The following AFF3 variants were observed in gnomAD, a reference collection of about 807,000 sequenced individuals.
AFF3 encodes the protein AF4/FMR2 family member 3.
Under a neutral mutation model 129.7 loss-of-function variants are expected in AFF3, and 32 were observed. That is an observed-to-expected ratio of 0.25 (90% CI 0.19 to 0.33). AFF3 has a LOEUF of 0.33. Ranked by LOEUF, AFF3 falls within the 10% of genes least tolerant of loss-of-function variation. The probability of loss-of-function intolerance (pLI) is 1.00; values close to 1 mark genes in which losing one functional copy is unlikely to be tolerated. For missense variants in AFF3, 1,373 were observed against 1,592.0 expected (o/e 0.86, Z 2.34); for synonymous variants, 644 against 635.4 (o/e 1.01, Z -0.20).
chr2:99,739,195 T>A (rs905670108), intron 10 of AFF3, among the ~76,000 whole-genome samples: 1 of 152,058 alleles, frequency 6.6e-6, no homozygotes, highest in Non-Finnish European at 1.5e-5. Flanking sequence ...TGGGGTCCAG[T>A]GGAAATGTGG....
intron 12 of AFF3, among the ~76,000 whole-genome samples, chr2:99,662,302 T>C (rs1441631285): frequency 6.6e-6 from 1 of 152,216 alleles, no homozygotes; most frequent in Non-Finnish European, 1.5e-5. Context: ...AGTTTTCAAT[T>C]AGAGTTATTG....
At chr2:99,570,922 G>A (rs1424543479) in intron 18 of AFF3, among the ~76,000 whole-genome samples, 2 of 152,206 alleles carry the variant, frequency 1.3e-5, no homozygotes, top group East Asian at 3.9e-4. Flanking sequence ...AAGGCGTTCC[G>A]AGTAACCTTG....
intron 7 of AFF3, among the ~76,000 whole-genome samples, chr2:99,873,741 T>G (rs1358328614): frequency 6.6e-6 from 1 of 151,962 alleles, no homozygotes; most frequent in Non-Finnish European, 1.5e-5. Flanking sequence ...TTTTTTTTTT[T>G]TTTAAAGAGC....
intron 13 of AFF3, among the ~76,000 whole-genome samples, chr2:99,640,887 T>A (rs905187190): frequency 6.6e-6 from 1 of 152,166 alleles, no homozygotes; most frequent in Admixed American, 6.5e-5. Context: ...GTTGGCTATT[T>A]AAGGTTTCCG....
At chr2:100,129,476 G>C (rs1485660981) in intron 1 of AFF3, among the ~76,000 whole-genome samples, 170 bp from the exon 2 acceptor site, 1 of 151,282 alleles carries the variant, frequency 6.6e-6, no homozygotes, top group Non-Finnish European at 1.5e-5. Flanking sequence ...AGGTCATTCT[G>C]CTGGGCAATT....
intron 7 of AFF3, among the ~76,000 whole-genome samples, chr2:99,951,976 G>A (rs1027893248): frequency 6.6e-6 from 1 of 152,204 alleles, no homozygotes; most frequent in Non-Finnish European, 1.5e-5. Context: ...CAGCTTGGAG[G>A]ACATAAAAAG....
chr2:99,838,544 C>G (rs1352391743), intron 7 of AFF3, among the ~76,000 whole-genome samples: 1 of 152,172 alleles, frequency 6.6e-6, no homozygotes, highest in Non-Finnish European at 1.5e-5. Flanking sequence ...GAGCAGCCAC[C>G]CTGACCCTAG....
intron 13 of AFF3, among the ~76,000 whole-genome samples, chr2:99,607,291 G>C (rs1266370701): frequency 4.6e-5 from 7 of 152,088 alleles, no homozygotes; most frequent in Non-Finnish European, 1.0e-4. Flanking sequence ...CCAGCACTTT[G>C]GGAGGCTGAG....
intron 13 of AFF3, among the ~76,000 whole-genome samples, chr2:99,639,700 T>C (rs1347949616): frequency 1.3e-5 from 2 of 151,664 alleles, no homozygotes; most frequent in Non-Finnish European, 2.9e-5. Context: ...ATTTTTTTTT[T>C]TTTTTGAGAC....
chr2:99,959,315 G>A (rs1044921615), intron 7 of AFF3, among the ~76,000 whole-genome samples: 2 of 117,374 alleles, frequency 1.7e-5, no homozygotes, highest in South Asian at 5.7e-4. Flanking sequence ...GCTAATTTTC[G>A]TATTTTTTGT....
intron 9 of AFF3, among the ~76,000 whole-genome samples, chr2:99,746,530 A>G (rs571123656): frequency 6.6e-6 from 1 of 152,326 alleles, no homozygotes; most frequent in African/African-American, 2.4e-5. Flanking sequence ...AACCTCTTTC[A>G]ATTATGGTAA....
intron 5 of AFF3, chr2:100,007,780 G>A: frequency 3.1e-6 from 1 of 323,076 alleles, no homozygotes; most frequent in Non-Finnish European, 5.8e-6. Context: ...TTTGAGATCA[G>A]CCTGACCAAC....
intron 7 of AFF3, among the ~76,000 whole-genome samples, chr2:99,999,524 T>C (rs1681186154): frequency 6.6e-6 from 1 of 152,216 alleles, no homozygotes; most frequent in South Asian, 2.1e-4. Context: ...GTGGAACTTA[T>C]AATCTAGTGA....
intron 8 of AFF3, among the ~76,000 whole-genome samples, chr2:99,773,203 C>T (rs1683627817): frequency 6.6e-6 from 1 of 152,204 alleles, no homozygotes; most frequent in African/African-American, 2.4e-5. Flanking sequence ...TAGCACTCAG[C>T]CCACTGATTG....
intron 7 of AFF3, among the ~76,000 whole-genome samples, chr2:99,964,190 T>C (rs1308678128): frequency 7.2e-5 from 11 of 152,108 alleles, no homozygotes; most frequent in Admixed American, 6.5e-5. Flanking sequence ...CTTTCAGTAA[T>C]AGTCAGAACT....
At chr2:100,134,819 G>T (rs1692565445) in intron 1 of AFF3, among the ~76,000 whole-genome samples, 1 of 152,176 alleles carries the variant, frequency 6.6e-6, no homozygotes, top group Admixed American at 6.6e-5. Context: ...ATTGTTCTAG[G>T]TCCTTGGGAT....
chr2:99,774,623 CCAAAA>C (rs1683749101), intron 8 of AFF3, among the ~76,000 whole-genome samples: 1 of 152,050 alleles, frequency 6.6e-6, no homozygotes, highest in Admixed American at 6.6e-5. Context: ...AATGCAAAAC[CCAAAA>C]CTAAAAAAGC....
At chr2:100,140,745 C>A (rs1437963717) in intron 1 of AFF3, among the ~76,000 whole-genome samples, 1 of 152,152 alleles carries the variant, frequency 6.6e-6, no homozygotes, top group African/African-American at 2.4e-5. Flanking sequence ...GCCCACAGAG[C>A]TCCAGAACAT....
intron 4 of AFF3, among the ~76,000 whole-genome samples, chr2:100,100,807 G>A (rs1359275841): frequency 6.6e-6 from 1 of 151,822 alleles, no homozygotes; most frequent in African/African-American, 2.4e-5. Context: ...AAGGCCCTGA[G>A]GAATGGCTTA....
Sources: allele counts gnomAD v4.1 joint callset (sites outside exome capture counted in the v4.1 genomes callset), GRCh38; gene constraint gnomAD v4.1.1; transcripts MANE v1.5; gene names NCBI Gene and HGNC (gene_info 2026-07-23, HGNC 2026-07-21).